Variants in ANXA11 observed in about 807,000 individuals in gnomAD.
ANXA11 encodes the protein 56 kDa autoantigen.
A neutral mutation model predicts 64.7 loss-of-function variants in ANXA11; 57 were observed. The observed-to-expected ratio is 0.88, with a 90% CI of 0.71 to 1.10. The LOEUF is 1.10. ANXA11 is among the 50% of genes least tolerant of loss of function. The probability of loss-of-function intolerance (pLI) is 0.00; values close to 1 mark genes in which losing one functional copy is unlikely to be tolerated. For synonymous variants in ANXA11, 260 were observed against 265.2 expected (o/e 0.98, Z 0.19); for missense variants, 675 against 670.7 (o/e 1.01, Z -0.07).
intron 1 of ANXA11, among the ~76,000 whole-genome samples, chr10:80,198,791 T>C (rs1055110366): frequency 6.6e-6 from 1 of 151,958 alleles, no homozygotes; most frequent in African/African-American, 2.4e-5. Context: ...CTCTCTTCAT[T>C]CACAACCAAA....
chr10:80,161,848 G>A (rs531775811), intron 12 of ANXA11, 87 bp downstream of exon 12: 16 of 1,200,536 alleles, frequency 1.3e-5, no homozygotes, highest in Middle Eastern at 2.7e-4. Context: ...AGGGAGGAAC[G>A]ACCAAGTGTT....
chr10:80,159,680 C>T (rs372306661), intron 12 of ANXA11, among the ~76,000 whole-genome samples: 3 of 152,180 alleles, frequency 2.0e-5, no homozygotes, highest in Non-Finnish European at 4.4e-5. Flanking sequence ...GGCCTGCTAG[C>T]GCTCAAGGAA....
chr10:80,184,573 A>ATGAG (rs1846470225), intron 1 of ANXA11, among the ~76,000 whole-genome samples: 2 of 151,740 alleles, frequency 1.3e-5, no homozygotes, highest in East Asian at 3.9e-4. Flanking sequence ...TATAACTAAT[A>ATGAG]CGAGAGAGAG....
intron 12 of ANXA11, among the ~76,000 whole-genome samples, chr10:80,159,677 T>C (rs575760044): frequency 6.6e-6 from 1 of 152,316 alleles, no homozygotes; most frequent in African/African-American, 2.4e-5. Context: ...CCAGGCCTGC[T>C]AGCGCTCAAG....
At chr10:80,185,379 G>A (rs754672239) in intron 1 of ANXA11, among the ~76,000 whole-genome samples, 3 of 152,216 alleles carry the variant, frequency 2.0e-5, no homozygotes, top group Non-Finnish European at 4.4e-5. Flanking sequence ...TAGAAGGCAC[G>A]CAGTTTAAGG....
Position 80,152,787 on chromosome 10 carries a change from T to C in ANXA11, c.*3066A>G, listed in dbSNP as rs1484040107. ...GGCTACAGGGTCAGCGGCTTAACTCTCCCTCTGGGCACAAGCTGAGCCATG... is the reference window on the plus strand; with the variant it reads ...GGCTACAGGGTCAGCGGCTTAACTCCCCCTCTGGGCACAAGCTGAGCCATG... On this transcript the variant is annotated 3_prime_UTR_variant, in exon 16 of 16. Transcript: ENST00000422982. 2 of 152,136 alleles carry C rather than the reference T, an allele frequency of 1.3e-5. No homozygotes were observed. The highest frequency in any genetic ancestry group is 2.9e-5 in the Non-Finnish European group (2 of 68,064). 9.4% of individuals were successfully genotyped at this position (152,136 alleles called of 1,614,324 possible).
Position 80,155,656 on chromosome 10 carries a change from G to T in ANXA11, c.*197C>A. The T allele has an allele frequency of 1.8e-6, 1 of 568,620 alleles. No individual in the cohort carries two copies. Among genetic ancestry groups the T allele is most frequent in the Non-Finnish European group, 3.1e-6 (1 of 321,230 alleles). The allele number at this position is 568,620 out of a possible 1,614,324, so 35.2% of individuals were successfully genotyped here. On this transcript the variant is annotated 3_prime_UTR_variant, in exon 16 of 16. Transcript: ENST00000422982. ...GGCTGTGAGGGATGGGGTAGAAAAG[G>T]CATCCTGAGAGAGTTCTAGACCGAC...
rs34414015 is a variant in ANXA11, at chr10:80,162,010, C to T, written c.1105G>A (p.Glu369Lys). ...GACTCGTCTGTTCCCAGGCGGTTCT[C>T]CCCGGCCGCATACAGCTCCTGGAGA... ...RDAQELYAAG[E>K]NRLGTDESKF... Residue 369 changes from glutamate (E) to lysine (K), a missense_variant, in exon 12 of 16, where the codon GAG (glutamate) becomes AAG (lysine). Physicochemically the swap from Glu to Lys is moderately conservative, Grantham distance 56. Transcript: ENST00000422982. 5.1e-3 allele frequency: 8,189 copies of T among 1,611,466 alleles called. 19 individuals are homozygous for T. The highest frequency in any genetic ancestry group is 6.3e-3 in the Non-Finnish European group (7,411 of 1,179,646).
At chr10:80,161,257 G>A (rs771161597) in intron 12 of ANXA11, among the ~76,000 whole-genome samples, 11 of 152,176 alleles carry the variant, frequency 7.2e-5, no homozygotes, top group African/African-American at 2.7e-4. Context: ...GTTCTCAGTC[G>A]TGCTGGGAGC....
intron 1 of ANXA11, among the ~76,000 whole-genome samples, chr10:80,177,662 T>C (rs946415537): frequency 7.2e-5 from 11 of 152,222 alleles, no homozygotes; most frequent in Middle Eastern, 3.4e-3. Context: ...CATCAAACAC[T>C]AGGCATCATG....
At position 80,153,220 on chromosome 10, in the gene ANXA11, T is replaced by C. The variant is rs1310104528; in HGVS notation, c.*2633A>G. On this transcript the variant is annotated 3_prime_UTR_variant, in exon 16 of 16. Transcript: ENST00000422982. ...GCTTAGTGTAATACAAGACGGAGCC[T>C]ATAGCAAATAAGGAGTACAGGCCTA... 1 of 152,098 alleles carries C rather than the reference T, an allele frequency of 6.6e-6. No individual in the cohort carries two copies. The highest frequency in any genetic ancestry group is 1.5e-5 in the Non-Finnish European group (1 of 68,010). 9.4% of individuals were successfully genotyped at this position (152,098 alleles called of 1,614,324 possible).
chr10:80,164,961 G>C (rs1242713895), intron 8 of ANXA11, among the ~76,000 whole-genome samples: 1 of 152,222 alleles, frequency 6.6e-6, no homozygotes, highest in Non-Finnish European at 1.5e-5. Flanking sequence ...CATGTCCTGA[G>C]ACAGCATCCA....
At chr10:80,162,073 A>G (rs1200303946) in intron 11 of ANXA11, 45 bp from the exon 12 acceptor site, 1 of 1,518,710 alleles carries the variant, frequency 6.6e-7, no homozygotes. Context: ...CCACACCCAG[A>G]CCCCAGGCCC....
At chr10:80,159,783 C>T (rs756052868) in intron 12 of ANXA11, among the ~76,000 whole-genome samples, 1 of 152,198 alleles carries the variant, frequency 6.6e-6, no homozygotes, top group African/African-American at 2.4e-5. Context: ...AACCAAATCG[C>T]ACCTTAATAC....
chr10:80,203,860 C>T (rs1223080415), intron 1 of ANXA11, among the ~76,000 whole-genome samples: 3 of 152,214 alleles, frequency 2.0e-5, no homozygotes, highest in Admixed American at 1.3e-4. Flanking sequence ...GCCAGAAAGA[C>T]GGTTCAGGAG....
At chr10:80,165,452 C>T (rs2132394427) in intron 8 of ANXA11, among the ~76,000 whole-genome samples, 1 of 152,300 alleles carries the variant, frequency 6.6e-6, no homozygotes, top group Admixed American at 6.5e-5. Flanking sequence ...CCAAGCCGGG[C>T]CCGTCAGAAC....
At chr10:80,172,173 C>T (rs548351969) in intron 3 of ANXA11, among the ~76,000 whole-genome samples, 56 of 152,306 alleles carry the variant, frequency 3.7e-4, no homozygotes, top group African/African-American at 1.3e-3. Flanking sequence ...ATTTCCTTTC[C>T]CACAGTGGGG....
chr10:80,158,004 G>T lies in ANXA11; in HGVS notation c.1298C>A (p.Pro433Gln). 6.2e-7 allele frequency: 1 copy of T among 1,614,064 alleles called. No homozygotes were observed. The highest frequency in any genetic ancestry group is 2.2e-5 in the East Asian group (1 of 44,872). ...LAVVKCLKNT[P>Q]AFFAERLNKA... ...GTTGAGCCTCTCCGCAAAGAAGGCT[G>T]GGGTATTCTTGAGACATTTCACTAG... The change falls in exon 14 of 16, where the codon CCA (proline) becomes CAA (glutamine). Residue 433 changes from proline to glutamine, a missense_variant. Transcript: ENST00000422982.
At chr10:80,182,713 T>C (rs1253018294) in intron 1 of ANXA11, among the ~76,000 whole-genome samples, 4 of 152,094 alleles carry the variant, frequency 2.6e-5, no homozygotes, top group East Asian at 1.9e-4. Context: ...TCCCCATATA[T>C]GTACATAATT....
Sources: gnomAD v4.1 joint callset for allele counts (sites outside exome capture counted in the v4.1 genomes callset) on GRCh38, gnomAD v4.1.1 for gene constraint, MANE v1.5 for transcripts, NCBI Gene and HGNC (gene_info 2026-07-23, HGNC 2026-07-21) for gene names.